The following SLC35D4 variants were observed in gnomAD, a reference collection of about 807,000 sequenced individuals.
SLC35D4 encodes solute carrier family 35 member D4, also known as UDP-N-acetylglucosamine transporter SLC35D4.
the SLC35D4 span, among the ~76,000 whole-genome samples, chr18:23,353,149 C>T: frequency 2.4e-5 from 3 of 126,224 alleles, no homozygotes; most frequent in Non-Finnish European, 3.4e-5. Context: ...GAAAGGCTGA[C>T]TTCATGCAAA....
At chr18:23,257,344 A>G in the SLC35D4 span, 2 of 1,610,834 alleles carry the variant, frequency 1.2e-6, no homozygotes, top group Non-Finnish European at 1.7e-6. Context: ...GCCCCACTAC[A>G]GACGGCTGGT....
At chr18:23,369,645 T>C in the SLC35D4 span, among the ~76,000 whole-genome samples, 6 of 152,280 alleles carry the variant, frequency 3.9e-5, no homozygotes, top group Non-Finnish European at 7.3e-5. Context: ...GTGAATCCCC[T>C]GAAGGAAGGA....
At chr18:23,397,573 C>G in the SLC35D4 span, among the ~76,000 whole-genome samples, 1 of 152,176 alleles carries the variant, frequency 6.6e-6, no homozygotes. Flanking sequence ...GTTTCTACCC[C>G]AAGACTTTTC....
the SLC35D4 span, among the ~76,000 whole-genome samples, chr18:23,242,791 T>A: frequency 6.6e-6 from 1 of 152,204 alleles, no homozygotes; most frequent in Non-Finnish European, 1.5e-5. Flanking sequence ...GCCTATTTTT[T>A]ATTTACCGAA....
At chr18:23,427,189 G>A in the SLC35D4 span, among the ~76,000 whole-genome samples, 1 of 152,138 alleles carries the variant, frequency 6.6e-6, no homozygotes, top group Non-Finnish European at 1.5e-5. Flanking sequence ...AAACTAAAGA[G>A]CTTCTGCACA....
the SLC35D4 span, among the ~76,000 whole-genome samples, chr18:23,346,466 G>T: frequency 6.6e-6 from 1 of 150,686 alleles, no homozygotes; most frequent in African/African-American, 2.4e-5. Context: ...ATATATGATG[G>T]TCTCATTTGT....
chr18:23,364,933 A>AAAAAAAT, the SLC35D4 span, among the ~76,000 whole-genome samples: 77 of 15,764 alleles, frequency 4.9e-3, 18 homozygotes, highest in East Asian at 7.0e-3. Context: ...AAAAAAAAAA[A>AAAAAAAT]GGACTCCTTT....
the SLC35D4 span, among the ~76,000 whole-genome samples, chr18:23,410,653 C>T: frequency 6.6e-6 from 1 of 151,760 alleles, no homozygotes. Flanking sequence ...AAAAAGTAGC[C>T]GGGCATCATG....
the SLC35D4 span, among the ~76,000 whole-genome samples, chr18:23,407,225 GAAGAT>G: frequency 6.6e-6 from 1 of 152,306 alleles, no homozygotes; most frequent in East Asian, 1.9e-4. Flanking sequence ...AGGATTCCGA[GAAGAT>G]AAGAGAATGA....
At chr18:23,343,131 C>T in the SLC35D4 span, among the ~76,000 whole-genome samples, 3 of 152,214 alleles carry the variant, frequency 2.0e-5, no homozygotes, top group South Asian at 6.2e-4. Context: ...CTATGTTGAC[C>T]AGGCTGGTGT....
chr18:23,343,811 C>T, the SLC35D4 span, among the ~76,000 whole-genome samples: 4 of 151,932 alleles, frequency 2.6e-5, no homozygotes, highest in Non-Finnish European at 4.4e-5. Context: ...TGAGAACATG[C>T]GATATTTGGT....
the SLC35D4 span, among the ~76,000 whole-genome samples, chr18:23,282,200 G>A: frequency 9.5e-4 from 145 of 152,340 alleles, no homozygotes; most frequent in Non-Finnish European, 1.9e-3. Context: ...GCCTTTCACA[G>A]AGAGCAGGAA....
chr18:23,371,935 GTTTTT>G, the SLC35D4 span, among the ~76,000 whole-genome samples: 2 of 35,480 alleles, frequency 5.6e-5, no homozygotes, highest in African/African-American at 2.4e-4. Flanking sequence ...TGTTTTTTTT[GTTTTT>G]TTTTTTTTTT....
At chr18:23,254,673 G>T in the SLC35D4 span, among the ~76,000 whole-genome samples, 1 of 152,216 alleles carries the variant, frequency 6.6e-6, no homozygotes, top group African/African-American at 2.4e-5. Context: ...TTCTGGTGAG[G>T]TTCCTCTCCT....
chr18:23,279,756 G>C, the SLC35D4 span, among the ~76,000 whole-genome samples: 1 of 152,108 alleles, frequency 6.6e-6, no homozygotes, highest in African/African-American at 2.4e-5. Context: ...CAGAACTGTA[G>C]TAATAATAAA....
chr18:23,242,028 C>T, the SLC35D4 span, among the ~76,000 whole-genome samples: 45 of 152,170 alleles, frequency 3.0e-4, no homozygotes, highest in Non-Finnish European at 5.4e-4. Flanking sequence ...GTAATCCCTG[C>T]ACTTTGGAAG....
the SLC35D4 span, among the ~76,000 whole-genome samples, chr18:23,250,449 C>T: frequency 1.3e-5 from 2 of 152,188 alleles, no homozygotes; most frequent in African/African-American, 2.4e-5. Context: ...GATGTGGCCC[C>T]CATTCTACTG....
At chr18:23,265,371 C>T in the SLC35D4 span, among the ~76,000 whole-genome samples, 2 of 152,204 alleles carry the variant, frequency 1.3e-5, no homozygotes, top group Admixed American at 6.5e-5. Context: ...AATGCACGAG[C>T]CATCAAGTTC....
the SLC35D4 span, among the ~76,000 whole-genome samples, chr18:23,287,999 A>G: frequency 6.6e-6 from 1 of 152,164 alleles, no homozygotes; most frequent in African/African-American, 2.4e-5. Context: ...TTTCCAAAGT[A>G]TATTTTCTTC....
Sources: gnomAD v4.1 joint callset for allele counts (sites outside exome capture counted in the v4.1 genomes callset) on GRCh38, gnomAD v4.1.1 for gene constraint, MANE v1.5 for transcripts, NCBI Gene and HGNC (gene_info 2026-07-23, HGNC 2026-07-21) for gene names.